Variants in ABCC4 observed in about 807,000 individuals in gnomAD.
ABCC4 encodes the protein ATP-binding cassette sub-family C member 4.
A neutral mutation model predicts 168.5 loss-of-function variants in ABCC4; 102 were observed. The ratio of observed to expected loss-of-function variants is 0.61; its 90% CI spans 0.52 to 0.71. ABCC4 has a LOEUF of 0.71. Ranked by LOEUF, ABCC4 falls within the 30% of genes least tolerant of loss-of-function variation. The pLI, the probability that ABCC4 is intolerant of heterozygous loss-of-function variation, is 0.00. For synonymous variants in ABCC4, 617 were observed against 590.7 expected, an observed-to-expected ratio of 1.04 and a Z score of -0.65; for missense variants, 1,402 against 1,605.8, an observed-to-expected ratio of 0.87 and a Z score of 2.17.
intron 4 of ABCC4, among the ~76,000 whole-genome samples, chr13:95,212,631 G>A (rs1419673688): frequency 6.6e-6 from 1 of 152,194 alleles, no homozygotes; most frequent in Non-Finnish European, 1.5e-5. Context: ...GGTGCACCAG[G>A]AGGGCTACTT....
intron 9 of ABCC4, among the ~76,000 whole-genome samples, chr13:95,193,458 C>T (rs896896984): frequency 2.6e-5 from 4 of 152,232 alleles, no homozygotes; most frequent in African/African-American, 9.6e-5. Context: ...CCCCGGGGTG[C>T]AGCTTCCTGC....
intron 11 of ABCC4, 27 bp from the exon 12 acceptor site, chr13:95,178,118 G>T (rs969612815): frequency 1.9e-6 from 3 of 1,591,186 alleles, no homozygotes; most frequent in Non-Finnish European, 2.6e-6. Flanking sequence ...AAGAAGGGGG[G>T]AAAAAGAGAC....
At chr13:95,072,171 C>T (rs1368722180) in intron 24 of ABCC4, among the ~76,000 whole-genome samples, 1 of 152,198 alleles carries the variant, frequency 6.6e-6, no homozygotes, top group Non-Finnish European at 1.5e-5. Context: ...AATCAAGAAT[C>T]TTTTGCTGGC....
chr13:95,247,718 C>T lies in ABCC4; in HGVS notation c.110G>A (p.Arg37Gln), dbSNP rs767254775. The T allele has an allele frequency of 7.1e-5, 114 of 1,613,820 alleles. No individual in the cohort carries two copies. In the South Asian group the frequency reaches 9.9e-4, roughly 14 times the overall value. ...LNPLFKIGHKRRLEEDDMYSV... is the reference protein window; with the variant it reads ...LNPLFKIGHKQRLEEDDMYSV... ...ATACATATCATCTTCCTCTAATCTC[C>T]GTTTATGGCCAATTTTAAACAAGGG... is the stretch of plus-strand genomic sequence containing the variant. The change falls in exon 2 of 31, where the codon CGG becomes CAG. Residue 37 changes from arginine to glutamine, a missense_variant. Arg to Gln is a conservative substitution (Grantham distance 43). Coordinates refer to ENST00000645237, the MANE Select transcript of ABCC4 (RefSeq NM_005845.5).
At chr13:95,137,281 T>G (rs995322306) in intron 19 of ABCC4, among the ~76,000 whole-genome samples, 4 of 152,176 alleles carry the variant, frequency 2.6e-5, no homozygotes, top group African/African-American at 9.7e-5. Flanking sequence ...TATTGAGACT[T>G]TCTTACTCAG....
intron 29 of ABCC4, among the ~76,000 whole-genome samples, chr13:95,037,665 T>A (rs570294735): frequency 5.3e-4 from 81 of 152,186 alleles, no homozygotes; most frequent in Non-Finnish European, 1.1e-3. Flanking sequence ...AAGTAAAATA[T>A]GGGCAATGAG....
intron 20 of ABCC4, among the ~76,000 whole-genome samples, chr13:95,109,231 G>C (rs1385348757): frequency 6.6e-6 from 1 of 152,160 alleles, no homozygotes; most frequent in Admixed American, 6.5e-5. Flanking sequence ...TGCTCAGCCT[G>C]GTGTTATATG....
At chr13:95,037,066 A>G (rs2032150762) in intron 29 of ABCC4, among the ~76,000 whole-genome samples, 1 of 128,938 alleles carries the variant, frequency 7.8e-6, no homozygotes, top group African/African-American at 3.1e-5. Flanking sequence ...CCTGGGCAAC[A>G]GAGTGAGACT....
intron 3 of ABCC4, among the ~76,000 whole-genome samples, chr13:95,246,602 C>A (rs1249911521): frequency 1.3e-5 from 2 of 152,244 alleles, no homozygotes; most frequent in Non-Finnish European, 2.9e-5. Context: ...AGGGCACGCA[C>A]TCCTCAAGGC....
rs751913025 is a variant in ABCC4 at position 95,083,233 on chromosome 13, C to T, written c.2593G>A (p.Ala865Thr). Residue 865 changes from alanine (A) to threonine (T), a missense_variant, in exon 21 of 31, where the codon GCA (alanine) becomes ACA (threonine). By Grantham distance (58) the Ala-to-Thr change is moderately conservative. This residue lies in a region of ABCC4 where 1,007 missense variants were observed against 1,127.3 expected (regional missense o/e 0.89). Coordinates refer to ENST00000645237, the MANE Select transcript of ABCC4 (RefSeq NM_005845.5). ...SVAVAVIPWIAIPLVPLGIIF... is the reference protein window; with the variant it reads ...SVAVAVIPWITIPLVPLGIIF... ...ATTCCAAGGGGAACCAAGGGTATTGCGATCCAAGGAATCACGGCCACAGCC... is the reference window on the plus strand; with the variant it reads ...ATTCCAAGGGGAACCAAGGGTATTGTGATCCAAGGAATCACGGCCACAGCC... 2.5e-6 allele frequency: 4 copies of T among 1,613,836 alleles called. No homozygotes were observed. Among genetic ancestry groups the T allele is most frequent in the Admixed American group, 3.3e-5 (2 of 59,996 alleles).
At position 95,234,596 on chromosome 13, in the gene ABCC4, T is replaced by C. The variant is rs769705130; in HGVS notation, c.531+14A>G. On this transcript the variant is annotated intron_variant, in intron 4 of 30. Coordinates refer to ENST00000645237, the MANE Select transcript of ABCC4 (RefSeq NM_005845.5). ...TTCAGGTGAGGTACATGTTTAATGCTGAATGTCACTTACCTTCCGATAAAT... is the reference window on the plus strand; with the variant it reads ...TTCAGGTGAGGTACATGTTTAATGCCGAATGTCACTTACCTTCCGATAAAT... The C allele has an allele frequency of 1.2e-5, 19 of 1,604,670 alleles. No individual in the cohort carries two copies. In the Admixed American group the frequency reaches 2.8e-4, roughly 24 times the overall value.
intron 27 of ABCC4, among the ~76,000 whole-genome samples, chr13:95,045,728 A>G (rs1186020424): frequency 1.3e-5 from 2 of 152,144 alleles, no homozygotes; most frequent in South Asian, 4.1e-4. Context: ...CTATAGAGGA[A>G]CCAAGAGTCA....
intron 1 of ABCC4, among the ~76,000 whole-genome samples, 171 bp downstream of exon 1, chr13:95,301,070 G>C (rs2138982245): frequency 6.6e-6 from 1 of 152,196 alleles, no homozygotes; most frequent in African/African-American, 2.4e-5. Flanking sequence ...GGCCGGCGTG[G>C]GGGCGGCGCC....
chr13:95,273,878 C>G lies in ABCC4; in HGVS notation c.75-26125G>C, dbSNP rs567227584. Among the ~76,000 whole-genome samples the G allele has an allele frequency of 4.1e-5, 6 of 145,086 alleles. No individual in the cohort carries two copies. The East Asian group carries it at 1.0e-3, about 24-fold the overall frequency. ...TTGCCCAGGCTGGAATGCAGTGGCG[C>G]GATCTAGGCTCACTGCAGGCTCCGC... On this transcript the variant is annotated intron_variant, in intron 1 of 30. Transcript: ENST00000645237.
At chr13:95,219,042 GA>G (rs1206292979) in intron 4 of ABCC4, among the ~76,000 whole-genome samples, 10 of 150,856 alleles carry the variant, frequency 6.6e-5, no homozygotes, top group Admixed American at 2.0e-4. Flanking sequence ...AAAAGAAAGG[GA>G]AAAAAAACCA....
chr13:95,223,660 C>A (rs2039369210), intron 4 of ABCC4, among the ~76,000 whole-genome samples: 2 of 152,286 alleles, frequency 1.3e-5, no homozygotes, highest in Admixed American at 6.5e-5. Flanking sequence ...CGCCACCACA[C>A]CCAGCTAAAT....
chr13:95,186,992 C>CCATT, intron 10 of ABCC4, 100 bp from the exon 11 acceptor site: 4 of 983,490 alleles, frequency 4.1e-6, no homozygotes, highest in Non-Finnish European at 5.7e-6. Context: ...TTGAAAAACA[C>CCATT]CATTCATTCA....
chr13:95,086,476 A>G (rs1383353531), intron 20 of ABCC4, among the ~76,000 whole-genome samples: 1 of 152,232 alleles, frequency 6.6e-6, no homozygotes, highest in Non-Finnish European at 1.5e-5. Flanking sequence ...TTCTAGAATT[A>G]ATTTTGTATC....
chr13:95,248,932 C>T (rs555482467), intron 1 of ABCC4, among the ~76,000 whole-genome samples: 17 of 152,216 alleles, frequency 1.1e-4, no homozygotes, highest in African/African-American at 3.4e-4. Flanking sequence ...CCCAGCTACT[C>T]GGGAAGCTGC....
Sources: allele counts gnomAD v4.1 joint callset (sites outside exome capture counted in the v4.1 genomes callset), GRCh38; gene constraint gnomAD v4.1.1; regional missense constraint gnomAD v4.1.1; transcripts MANE v1.5; gene names NCBI Gene and HGNC (gene_info 2026-07-23, HGNC 2026-07-21).